The following SGIP1 variants were observed in gnomAD, a reference collection of about 807,000 sequenced individuals.
SGIP1 encodes SH3-containing GRB2-like protein 3-interacting protein 1.
SGIP1 carries 38 observed loss-of-function variants against 107.5 expected under a neutral mutation model. That is an observed-to-expected ratio of 0.35 (90% CI 0.27 to 0.46). The LOEUF (loss-of-function observed/expected upper bound fraction) is 0.46, where lower values mean the gene tolerates loss of function less well. Ranked by LOEUF, SGIP1 falls within the 20% of genes least tolerant of loss-of-function variation. The pLI is 1.00. For synonymous variants in SGIP1, 365 were observed against 366.1 expected, an observed-to-expected ratio of 1.00 and a Z score of 0.03; for missense variants, 929 against 1,019.5, an observed-to-expected ratio of 0.91 and a Z score of 1.21.
intron 18 of SGIP1, among the ~76,000 whole-genome samples, chr1:66,696,500 C>G (rs1478834695): frequency 1.3e-5 from 2 of 152,132 alleles, no homozygotes; most frequent in Non-Finnish European, 2.9e-5. Flanking sequence ...TTTAATGCAA[C>G]TTTAAAAATC....
chr1:66,591,849 A>G (rs2063694411), intron 1 of SGIP1, among the ~76,000 whole-genome samples: 1 of 152,244 alleles, frequency 6.6e-6, no homozygotes, highest in Non-Finnish European at 1.5e-5. Context: ...TCTCTGTGTC[A>G]TAAGTAAGTT....
rs2094515927 is a variant in SGIP1, at chr1:66,743,672, T to G, written c.*577T>G. ...TTAGTGGGTTAAATTGAGAAACTAT[T>G]TCAGAAAAAAATTCTAAGGTTACAG... On this transcript the variant is annotated 3_prime_UTR_variant, in exon 25 of 25. Transcript: ENST00000371037. 3 of 152,558 alleles carry G rather than the reference T, an allele frequency of 2.0e-5. No homozygotes were observed. The highest frequency in any genetic ancestry group is 1.3e-4 in the Admixed American group (2 of 15,274). The allele number at this position is 152,558 out of a possible 1,614,324, so 9.5% of individuals were successfully genotyped here.
intron 1 of SGIP1, among the ~76,000 whole-genome samples, chr1:66,554,921 G>GCA (rs2057967486): frequency 2.0e-5 from 3 of 152,112 alleles, no homozygotes; most frequent in African/African-American, 4.8e-5. Context: ...TATCTTTAAA[G>GCA]TGAGTAACCT....
At chr1:66,546,246 C>T (rs1181823894) in intron 1 of SGIP1, among the ~76,000 whole-genome samples, 3 of 152,194 alleles carry the variant, frequency 2.0e-5, no homozygotes, top group African/African-American at 7.2e-5. Flanking sequence ...CGTAGGATCA[C>T]ACTGGCTGAG....
At chr1:66,697,844 C>T (rs111916767) in intron 18 of SGIP1, among the ~76,000 whole-genome samples, 38 of 152,172 alleles carry the variant, frequency 2.5e-4, no homozygotes, top group Middle Eastern at 3.4e-3. Context: ...AAAACATTTT[C>T]CTTCAACATG....
chr1:66,674,835 G>A (rs144413372), intron 12 of SGIP1, among the ~76,000 whole-genome samples: 57 of 152,310 alleles, frequency 3.7e-4, no homozygotes, highest in African/African-American at 1.3e-3. Flanking sequence ...AACCCCACTG[G>A]AGAGAATTTG....
Position 66,577,033 on chromosome 1 carries a change from A to C in SGIP1, c.10+42665A>C, listed in dbSNP as rs181423041. Among the ~76,000 whole-genome samples the C allele has an allele frequency of 1.8e-3, 272 of 152,224 alleles. 1 individual carries two copies. The highest frequency in any genetic ancestry group is 3.0e-3 in the Non-Finnish European group (207 of 68,016). ...TTGATGTTGTTCTGTTTTGTTTTTG[A>C]GAAGGGCAACTTTTAGTGCATTGGA... On this transcript the variant is annotated intron_variant, in intron 1 of 24. Coordinates refer to ENST00000371037, the MANE Select transcript of SGIP1 (RefSeq NM_032291.4).
chr1:66,563,445 C>T (rs558554819), intron 1 of SGIP1, among the ~76,000 whole-genome samples: 2 of 152,056 alleles, frequency 1.3e-5, no homozygotes, highest in Admixed American at 6.6e-5. Context: ...GTGACTTGCC[C>T]GATTCCACCA....
chr1:66,565,620 G>A (rs2059535080), intron 1 of SGIP1, among the ~76,000 whole-genome samples: 1 of 151,940 alleles, frequency 6.6e-6, no homozygotes, highest in Non-Finnish European at 1.5e-5. Flanking sequence ...TTCTAAAATT[G>A]GAGGTTGTAT....
At position 66,662,642 on chromosome 1, in the gene SGIP1, C is replaced by T. The variant is rs181466863; in HGVS notation, c.471+2118C>T. 8.5e-4 allele frequency among the ~76,000 whole-genome samples: 130 copies of T among 152,272 alleles called. 2 individuals are homozygous for T. Among genetic ancestry groups the T allele is most frequent in the Non-Finnish European group, 4.3e-4 (29 of 68,016 alleles). On this transcript the variant is annotated intron_variant, in intron 8 of 24. Transcript: ENST00000371037. ...TTTAGAAATATACCACATTCTAGAT[C>T]TTCATTCCAGTGACAAAATCATAGA... is the stretch of plus-strand genomic sequence containing the variant.
chr1:66,578,167 T>C (rs988578989), intron 1 of SGIP1, among the ~76,000 whole-genome samples: 10 of 152,186 alleles, frequency 6.6e-5, no homozygotes, highest in African/African-American at 2.4e-4. Context: ...GTAATAATAG[T>C]TCCCCAGTCT....
chr1:66,589,189 T>C (rs1252233569), intron 1 of SGIP1, among the ~76,000 whole-genome samples: 2 of 70,366 alleles, frequency 2.8e-5, no homozygotes, highest in African/African-American at 1.2e-4. Flanking sequence ...TATATATATA[T>C]ATATATATAT....
In SGIP1 at chr1:66,682,306, A is replaced by T; in HGVS notation, c.1252A>T (p.Thr418Ser). 6.2e-7 allele frequency: 1 copy of T among 1,614,112 alleles called. No individual in the cohort carries two copies. The highest frequency in any genetic ancestry group is 8.5e-7 in the Non-Finnish European group (1 of 1,179,986). ...RATPPPPPPP[T>S]YRTVVSSPGP... ...AACTCCACCTCCCCCACCACCACCC[A>T]CCTACAGGACTGTGGTTTCGTCCCC... is the stretch of plus-strand genomic sequence containing the variant. Residue 418 changes from threonine to serine, a missense_variant, in exon 15 of 25, where the codon ACC becomes TCC. Coordinates refer to ENST00000371037, the MANE Select transcript of SGIP1 (RefSeq NM_032291.4).
intron 18 of SGIP1, among the ~76,000 whole-genome samples, chr1:66,696,800 C>A (rs1231293907): frequency 6.6e-6 from 1 of 152,112 alleles, no homozygotes; most frequent in Non-Finnish European, 1.5e-5. Flanking sequence ...TTGTGATAAC[C>A]AAGATGCAAA....
At chr1:66,578,089 T>G (rs1261935935) in intron 1 of SGIP1, among the ~76,000 whole-genome samples, 1 of 152,180 alleles carries the variant, frequency 6.6e-6, no homozygotes, top group Non-Finnish European at 1.5e-5. Context: ...TTTTTTCCAT[T>G]TTTAGAAATA....
chr1:66,626,920 GC>G (rs2072950700), intron 2 of SGIP1, among the ~76,000 whole-genome samples: 1 of 140,860 alleles, frequency 7.1e-6, no homozygotes, highest in African/African-American at 2.9e-5. Context: ...CTCACCTTTA[GC>G]TTTTCATTCT....
intron 1 of SGIP1, among the ~76,000 whole-genome samples, chr1:66,602,911 A>C (rs896183213): frequency 1.7e-4 from 26 of 152,222 alleles, no homozygotes; most frequent in African/African-American, 6.3e-4. Context: ...TTAGGAAATT[A>C]AGCCCTCAAT....
At chr1:66,538,891 C>G (rs952089932) in intron 1 of SGIP1, among the ~76,000 whole-genome samples, 23 of 152,106 alleles carry the variant, frequency 1.5e-4, no homozygotes, top group African/African-American at 5.3e-4. Flanking sequence ...CAATGAAGAG[C>G]TGGAGAAAAA....
chr1:66,682,403 G>A lies in SGIP1; in HGVS notation c.1315+34G>A, dbSNP rs777201447. 20 of 1,575,530 alleles carry A rather than the reference G, an allele frequency of 1.3e-5. No individual in the cohort carries two copies. In the East Asian group the frequency reaches 2.5e-4, roughly 19 times the overall value. On this transcript the variant is annotated intron_variant, in intron 15 of 24. Transcript: ENST00000371037. ...TATGCTTGAGTGTGCTTCTTGTGAC[G>A]GGGAATGGCCATGGCTGCTGCAGTG...
Sources: allele counts gnomAD v4.1 joint callset (sites outside exome capture counted in the v4.1 genomes callset), GRCh38; gene constraint gnomAD v4.1.1; transcripts MANE v1.5; gene names NCBI Gene and HGNC (gene_info 2026-07-23, HGNC 2026-07-21).